ELOVL2: variants seen among roughly 807,000 people sequenced by gnomAD.
ELOVL2 encodes ELOVL fatty acid elongase 2.
In ELOVL2, 38 loss-of-function variants were observed where a neutral mutation model predicts 37.7. That is an observed-to-expected ratio of 1.01 (90% CI 0.78 to 1.32). ELOVL2 has a LOEUF of 1.32. Among genes scored for constraint, ELOVL2 ranks in the 40% most tolerant of loss-of-function variants. The pLI, the probability that ELOVL2 is intolerant of heterozygous loss-of-function variation, is 0.00. For missense variants in ELOVL2, 352 were observed against 363.6 expected (o/e 0.97, Z 0.26); for synonymous variants, 115 against 122.3 (o/e 0.94, Z 0.40).
At chr6:10,989,633 C>G (rs1782109821) in intron 7 of ELOVL2, 70 bp downstream of exon 7, 1 of 1,491,136 alleles carries the variant, frequency 6.7e-7, no homozygotes, top group Non-Finnish European at 9.2e-7. Context: ...GAGCGAAACT[C>G]TGTCTCCAAA....
At chr6:11,031,100 A>C (rs1048236363) in intron 1 of ELOVL2, among the ~76,000 whole-genome samples, 1 of 152,142 alleles carries the variant, frequency 6.6e-6, no homozygotes, top group African/African-American at 2.4e-5. Flanking sequence ...AGATCTATTC[A>C]TGTTGACACG....
At chr6:11,024,358 T>C (rs1020812423) in intron 1 of ELOVL2, among the ~76,000 whole-genome samples, 12 of 152,234 alleles carry the variant, frequency 7.9e-5, no homozygotes, top group African/African-American at 2.9e-4. Context: ...AATACTACTA[T>C]CCTTTTTCTT....
At chr6:11,023,048 G>A (rs1782788796) in intron 1 of ELOVL2, among the ~76,000 whole-genome samples, 1 of 152,182 alleles carries the variant, frequency 6.6e-6, no homozygotes, top group African/African-American at 2.4e-5. Context: ...TGCTGAATAT[G>A]TCTGAAACAG....
chr6:11,006,051 A>T (rs1309977394), intron 2 of ELOVL2, among the ~76,000 whole-genome samples: 1 of 152,224 alleles, frequency 6.6e-6, no homozygotes, highest in African/African-American at 2.4e-5. Flanking sequence ...CAGAGCAGTC[A>T]GAGGAAAGAA....
At chr6:11,030,865 C>T (rs1251593851) in intron 1 of ELOVL2, among the ~76,000 whole-genome samples, 1 of 152,170 alleles carries the variant, frequency 6.6e-6, no homozygotes, top group East Asian at 1.9e-4. Context: ...TGATAAAGTT[C>T]TCACTCCCTT....
At chr6:11,008,377 GA>G (rs1455990509) in intron 2 of ELOVL2, among the ~76,000 whole-genome samples, 2 of 152,346 alleles carry the variant, frequency 1.3e-5, no homozygotes, top group Admixed American at 6.5e-5. Flanking sequence ...AAAGCTCAGT[GA>G]ACTTGGCGCA....
At chr6:11,030,609 A>G (rs911469586) in intron 1 of ELOVL2, among the ~76,000 whole-genome samples, 2 of 151,930 alleles carry the variant, frequency 1.3e-5, no homozygotes, top group Admixed American at 6.6e-5. Context: ...CTCCTGCCTC[A>G]GCCTCCTGAG....
intron 4 of ELOVL2, among the ~76,000 whole-genome samples, chr6:10,996,137 AT>A (rs1398774169): frequency 6.6e-6 from 1 of 152,206 alleles, no homozygotes; most frequent in Non-Finnish European, 1.5e-5. Flanking sequence ...AACATAAGAT[AT>A]TTTTAAAGAC....
chr6:11,028,393 A>T (rs1782868477), intron 1 of ELOVL2, among the ~76,000 whole-genome samples: 1 of 152,158 alleles, frequency 6.6e-6, no homozygotes. Context: ...CTTTGACTAG[A>T]CGCAGGTGTG....
At chr6:10,985,911 G>A (rs1319463501) in intron 7 of ELOVL2, among the ~76,000 whole-genome samples, 3 of 151,900 alleles carry the variant, frequency 2.0e-5, no homozygotes, top group Non-Finnish European at 4.4e-5. Context: ...TGATGGGGAT[G>A]GCATTGAATC....
chr6:10,990,408 G>A lies in ELOVL2; in HGVS notation c.540C>T (p.His180=). ...FFGPTLNSFI[H]ILMYSYYGLS... ...GTCCATAGTAGGAGTACATAAGAAT[G>A]TGGATAAAACTGTTCAGTGTTGGTC... The change falls in exon 6 of 8, where the codon CAC becomes CAT. Residue 180 remains histidine, a synonymous_variant. Transcript: ENST00000354666. 1 of 1,611,094 alleles carries A rather than the reference G, an allele frequency of 6.2e-7. No homozygotes were observed. The highest frequency in any genetic ancestry group is 1.3e-5 in the African/African-American group (1 of 74,920).
At position 11,010,264 on chromosome 6, in the gene ELOVL2, C is replaced by T. The variant is rs897087058; in HGVS notation, c.67+482G>A. The stretch of plus-strand genomic sequence containing the variant: ...GTCTTGAACTCCTGACCTCATGATC[C>T]GCCCACCTCAGCCTCCCAAAGTGCT... On this transcript the variant is annotated intron_variant, in intron 2 of 7. Coordinates refer to ENST00000354666, the MANE Select transcript of ELOVL2 (RefSeq NM_017770.4). Among the ~76,000 whole-genome samples the T allele has an allele frequency of 2.0e-4, 30 of 151,864 alleles. 2 individuals are homozygous for T. Among genetic ancestry groups the T allele is most frequent in the Non-Finnish European group, 3.8e-4 (26 of 67,970 alleles).
chr6:11,012,798 T>A (rs181241928), intron 1 of ELOVL2, among the ~76,000 whole-genome samples: 12 of 152,374 alleles, frequency 7.9e-5, no homozygotes, highest in African/African-American at 2.9e-4. Flanking sequence ...GGATTTTATA[T>A]ACTAGCACTG....
In ELOVL2 at chr6:10,983,465, C is replaced by T. The variant is rs1309161538; in HGVS notation, c.*316G>A. 1 of 191,586 alleles carries T rather than the reference C, an allele frequency of 5.2e-6. No individual in the cohort carries two copies. The highest frequency in any genetic ancestry group is 5.9e-5 in the Admixed American group (1 of 17,092). 11.9% of individuals were successfully genotyped at this position (191,586 alleles called of 1,614,324 possible). A position where few individuals can be genotyped will look rare whatever the true frequency, so the allele number is the denominator to read the frequency against. The stretch of plus-strand genomic sequence containing the variant: ...AGACTCTCTGTGAGAAACAATGCTC[C>T]ACGTTTCCTGGCTGTGTATGCGTAT... On this transcript the variant is annotated 3_prime_UTR_variant, in exon 8 of 8. Transcript: ENST00000354666.
intron 2 of ELOVL2, among the ~76,000 whole-genome samples, chr6:11,008,416 G>A (rs17675073): frequency 0.11 from 16,652 of 152,224 alleles, 1,228 homozygotes; most frequent in Non-Finnish European, 0.17. Flanking sequence ...CTGTCTAGTC[G>A]AAGTGTCAAA....
intron 1 of ELOVL2, among the ~76,000 whole-genome samples, chr6:11,016,923 C>A (rs1178999630): frequency 6.6e-6 from 1 of 150,396 alleles, no homozygotes; most frequent in African/African-American, 2.5e-5. Flanking sequence ...CACCCCTAAA[C>A]TGCCTTTTCA....
chr6:11,026,562 C>A (rs1782840866), intron 1 of ELOVL2, among the ~76,000 whole-genome samples: 1 of 152,178 alleles, frequency 6.6e-6, no homozygotes, highest in South Asian at 2.1e-4. Context: ...ACATCCAGGA[C>A]AGCCACCAAG....
chr6:10,990,383 G>A lies in ELOVL2; in HGVS notation c.565C>T (p.Leu189Phe). ...IHILMYSYYG[L>F]SVFPSMHKYL... is the part of the protein sequence containing the mutation. ...TTGTGCATAGATGGAAACACAGAAA[G>A]TCCATAGTAGGAGTACATAAGAATG... Residue 189 changes from leucine (L) to phenylalanine (F), a missense_variant, in exon 6 of 8, where the codon CTT (leucine) becomes TTT (phenylalanine). Transcript: ENST00000354666. 6.2e-7 allele frequency: 1 copy of A among 1,612,670 alleles called. No homozygotes were observed. The highest frequency in any genetic ancestry group is 8.5e-7 in the Non-Finnish European group (1 of 1,179,414).
intron 2 of ELOVL2, among the ~76,000 whole-genome samples, chr6:11,009,706 T>C (rs1782539801): frequency 6.6e-6 from 1 of 152,324 alleles, no homozygotes; most frequent in Admixed American, 6.5e-5. Flanking sequence ...GGACGACGGA[T>C]ACTGACTGAG....
Sources: gnomAD v4.1 joint callset for allele counts (sites outside exome capture counted in the v4.1 genomes callset) on GRCh38, gnomAD v4.1.1 for gene constraint, MANE v1.5 for transcripts, NCBI Gene and HGNC (gene_info 2026-07-23, HGNC 2026-07-21) for gene names.